Variants in PDE1A observed in about 807,000 individuals in gnomAD.
PDE1A encodes the protein phosphodiesterase 1A, also known as dual specificity calcium/calmodulin-dependent 3',5'-cyclic nucleotide phosphodiesterase 1A.
In PDE1A, 35 loss-of-function variants were observed where a neutral mutation model predicts 61.7. The ratio of observed to expected loss-of-function variants is 0.57; its 90% CI spans 0.43 to 0.75. The LOEUF (loss-of-function observed/expected upper bound fraction) is 0.75, where lower values mean the gene tolerates loss of function less well. Among genes scored for constraint, PDE1A ranks in the 30% least tolerant of loss-of-function variants. The pLI is 0.00. For missense variants in PDE1A, 597 were observed against 630.6 expected (o/e 0.95, Z 0.57); for synonymous variants, 232 against 213.2 (o/e 1.09, Z -0.77).
the PDE1A span, among the ~76,000 whole-genome samples, chr2:182,633,240 C>T: frequency 6.6e-6 from 1 of 152,194 alleles, no homozygotes; most frequent in Non-Finnish European, 1.5e-5. Flanking sequence ...ACAACGATTG[C>T]ATGGACAATC....
chr2:182,498,684 C>A (rs1439228176), intron 2 of PDE1A, among the ~76,000 whole-genome samples: 1 of 152,128 alleles, frequency 6.6e-6, no homozygotes, highest in African/African-American at 2.4e-5. Context: ...GTAGCTGACA[C>A]CTGTAATTCC....
the PDE1A span, among the ~76,000 whole-genome samples, chr2:182,626,210 C>A: frequency 1.3e-4 from 20 of 152,258 alleles, 1 homozygote; most frequent in South Asian, 4.1e-3. Context: ...CACCAGATAG[C>A]TATATCTTCA....
At chr2:182,706,798 A>T in the PDE1A span, among the ~76,000 whole-genome samples, 1 of 152,204 alleles carries the variant, frequency 6.6e-6, no homozygotes, top group Non-Finnish European at 1.5e-5. Context: ...GTAACAACGG[A>T]GTATGAAAGA....
At chr2:182,371,136 C>A (rs1700107727) in intron 1 of PDE1A, among the ~76,000 whole-genome samples, 2 of 152,066 alleles carry the variant, frequency 1.3e-5, no homozygotes, top group Non-Finnish European at 2.9e-5. Context: ...ATTCTAAAAT[C>A]TTTGAAAAAT....
chr2:182,256,881 A>G (rs2568683), intron 2 of PDE1A, among the ~76,000 whole-genome samples: 1,952 of 152,246 alleles, frequency 0.013, 25 homozygotes, highest in African/African-American at 0.022. Context: ...TGTTTTTTGT[A>G]CTCGAGCAAA....
the PDE1A span, among the ~76,000 whole-genome samples, chr2:182,640,377 T>G: frequency 6.6e-6 from 1 of 152,198 alleles, no homozygotes; most frequent in Non-Finnish European, 1.5e-5. Context: ...TTACATGCTC[T>G]GAAGTTATTG....
intron 10 of PDE1A, among the ~76,000 whole-genome samples, chr2:182,191,857 T>TA (rs1157125872): frequency 6.6e-6 from 1 of 151,168 alleles, no homozygotes; most frequent in Admixed American, 6.6e-5. Context: ...TTTTTTTTTT[T>TA]ATTTTTTTAT....
chr2:182,465,066 G>A (rs12474820), intron 2 of PDE1A, among the ~76,000 whole-genome samples: 24,726 of 151,902 alleles, frequency 0.16, 2,483 homozygotes, highest in Middle Eastern at 0.32. Flanking sequence ...ATTTGACATT[G>A]CCTCAGTTTT....
chr2:182,611,018 T>C, the PDE1A span, among the ~76,000 whole-genome samples: 2 of 152,260 alleles, frequency 1.3e-5, no homozygotes, highest in South Asian at 2.1e-4. Context: ...ATTTGTCGTC[T>C]GAAAATTTAA....
intron 2 of PDE1A, among the ~76,000 whole-genome samples, chr2:182,509,900 ATTTTC>A (rs1156607410): frequency 6.6e-6 from 1 of 152,090 alleles, no homozygotes; most frequent in Non-Finnish European, 1.5e-5. Context: ...GTTCATTTTT[ATTTTC>A]TTTTAAATTT....
intron 1 of PDE1A, among the ~76,000 whole-genome samples, chr2:182,316,960 C>G (rs879103062): frequency 6.6e-6 from 1 of 152,058 alleles, no homozygotes. Flanking sequence ...TAAGGACAAT[C>G]GTATTTTCAT....
At chr2:182,413,455 C>T (rs1263782453) in intron 1 of PDE1A, among the ~76,000 whole-genome samples, 2 of 151,990 alleles carry the variant, frequency 1.3e-5, no homozygotes, top group African/African-American at 4.8e-5. Context: ...AATGAAAGGA[C>T]TTGATAATTG....
intron 7 of PDE1A, among the ~76,000 whole-genome samples, chr2:182,217,755 A>C (rs1354927962): frequency 6.9e-6 from 1 of 145,414 alleles, no homozygotes; most frequent in Non-Finnish European, 1.5e-5. Flanking sequence ...CGATCATTAA[A>C]AAGTCAGGAA....
intron 1 of PDE1A, among the ~76,000 whole-genome samples, chr2:182,299,088 C>G (rs900715626): frequency 5.9e-5 from 9 of 151,914 alleles, no homozygotes; most frequent in Non-Finnish European, 8.8e-5. Context: ...TATCAATTCC[C>G]CAATATTTTC....
the PDE1A span, among the ~76,000 whole-genome samples, chr2:182,706,396 T>C: frequency 1.7e-4 from 26 of 152,202 alleles, no homozygotes; most frequent in Admixed American, 9.8e-4. Flanking sequence ...TTTGATGTTT[T>C]ACAATGTTGA....
chr2:182,404,086 A>C (rs2125470229), intron 1 of PDE1A, among the ~76,000 whole-genome samples: 4 of 152,276 alleles, frequency 2.6e-5, no homozygotes, highest in Middle Eastern at 6.8e-3. Flanking sequence ...AAGAGGAAAA[A>C]TATGCTTTGG....
exon 1 of PDE1A, chr2:182,522,727 A>T: frequency 1.1e-6 from 1 of 951,644 alleles, no homozygotes; most frequent in Non-Finnish European, 1.3e-6. Context: ...GCACTGAAGC[A>T]CATCAGAATT....
the PDE1A span, among the ~76,000 whole-genome samples, chr2:182,604,832 C>T: frequency 3.3e-5 from 5 of 152,016 alleles, no homozygotes; most frequent in African/African-American, 1.2e-4. Context: ...GATTGTTACT[C>T]TTTTTTTAAC....
chr2:182,193,233 G>A (rs1685863160), intron 10 of PDE1A, among the ~76,000 whole-genome samples: 2 of 152,034 alleles, frequency 1.3e-5, no homozygotes, highest in Admixed American at 6.5e-5. Flanking sequence ...TGATCCGTCT[G>A]CTCCAGCCTC....
Sources: allele counts gnomAD v4.1 joint callset (sites outside exome capture counted in the v4.1 genomes callset), GRCh38; gene constraint gnomAD v4.1.1; transcripts MANE v1.5; gene names NCBI Gene and HGNC (gene_info 2026-07-23, HGNC 2026-07-21).